Variants in IL17RC observed in about 807,000 individuals in gnomAD.
The protein encoded by IL17RC is interleukin-17 receptor C.
IL17RC carries 53 observed loss-of-function variants against 86.7 expected under a neutral mutation model. The observed-to-expected ratio is 0.61, with a 90% CI of 0.49 to 0.77. The LOEUF (loss-of-function observed/expected upper bound fraction) is 0.77, where lower values mean the gene tolerates loss of function less well. Ranked by LOEUF, IL17RC falls within the 30% of genes least tolerant of loss-of-function variation. The pLI, the probability that IL17RC is intolerant of heterozygous loss-of-function variation, is 0.00. For missense variants in IL17RC, 957 were observed against 940.0 expected, an observed-to-expected ratio of 1.02 and a Z score of -0.24; for synonymous variants, 439 against 413.1, an observed-to-expected ratio of 1.06 and a Z score of -0.76.
rs576044060 is a variant in IL17RC at position 9,920,844 on chromosome 3, G to GC, written c.578-75dup. 1.8e-4 allele frequency: 196 copies of GC among 1,114,314 alleles called. No homozygotes were observed. In the African/African-American group the frequency reaches 2.8e-3, roughly 16 times the overall value. The allele number at this position is 1,114,314 out of a possible 1,614,324, so 69.0% of individuals were successfully genotyped here. Reference sequence around the variant, plus strand: ...TAGGGGATGGGGAGCCATTCCTAATGCCCCCCTGGGAGCCAAATTGCCCCC... The same window carrying GC: ...TAGGGGATGGGGAGCCATTCCTAATGCCCCCCCTGGGAGCCAAATTGCCCCC... On this transcript the variant is annotated intron_variant, in intron 6 of 18. Transcript: ENST00000403601.
intron 7 of IL17RC, among the ~76,000 whole-genome samples, chr3:9,923,536 C>A (rs1432310601): frequency 6.6e-6 from 1 of 150,434 alleles, no homozygotes; most frequent in African/African-American, 2.5e-5. Context: ...GGCAACAGAG[C>A]AAGACTCCCT....
intron 16 of IL17RC, 82 bp downstream of exon 16, chr3:9,931,025 C>G (rs1039693436): frequency 9.3e-7 from 1 of 1,075,138 alleles, no homozygotes; most frequent in Non-Finnish European, 1.5e-6. Context: ...ACAGCACATG[C>G]AATGGCCTTG....
Position 9,920,510 on chromosome 3 carries a change from G to C in IL17RC, c.485G>C (p.Cys162Ser). 2 of 1,601,608 alleles carry C rather than the reference G, an allele frequency of 1.2e-6. No individual in the cohort carries two copies. The highest frequency in any genetic ancestry group is 1.7e-6 in the Non-Finnish European group (2 of 1,172,688). Reference protein sequence around the residue: ...GQSVGSVVYDCFEAALGSEVR... With the variant: ...GQSVGSVVYDSFEAALGSEVR... ...TCACAGGGCTCTGTGGTATATGACT[G>C]CTTCGAGGCTGCCCTAGGGAGTGAG... Residue 162 changes from cysteine (C) to serine (S), a missense_variant, in exon 6 of 19, where the codon TGC becomes TCC. Transcript: ENST00000403601.
At chr3:9,920,630 C>A in intron 6 of IL17RC, 28 bp downstream of exon 6, 1 of 1,456,474 alleles carries the variant, frequency 6.9e-7, no homozygotes. Context: ...TCCTGGCCCC[C>A]TAGCCTCTGT....
intron 16 of IL17RC, among the ~76,000 whole-genome samples, chr3:9,931,470 CATATATATATATATAT>C (rs1553593529): frequency 6.9e-5 from 3 of 43,736 alleles, no homozygotes; most frequent in Non-Finnish European, 1.3e-4. Context: ...CACACACACA[CATATATATATATATAT>C]ATATATATAT....
rs528490966 is a variant in IL17RC, at chr3:9,920,617, A to G, written c.577+15A>G. On this transcript the variant is annotated intron_variant, in intron 6 of 18. Transcript: ENST00000403601. Reference sequence around the variant, plus strand: ...GCAGCTGCCTGGTAAGTGGACCCCCAAGTCCTGGCCCCCTAGCCTCTGTCC... The same window carrying G: ...GCAGCTGCCTGGTAAGTGGACCCCCGAGTCCTGGCCCCCTAGCCTCTGTCC... 25 of 1,538,470 alleles carry G rather than the reference A, an allele frequency of 1.6e-5. No individual in the cohort carries two copies. The South Asian group carries it at 2.0e-4, about 12-fold the overall frequency.
At chr3:9,922,638 G>C (rs1373181727) in intron 7 of IL17RC, among the ~76,000 whole-genome samples, 1 of 152,194 alleles carries the variant, frequency 6.6e-6, no homozygotes, top group African/African-American at 2.4e-5. Context: ...TCAGGGTGGG[G>C]GTGAGGAAGG....
Position 9,928,462 on chromosome 3 carries a change from T to C in IL17RC, c.1035T>C (p.Leu345=). The part of the protein sequence containing the change: ...GDPCQPLVPP[L]SWENVTVDKV... ...CCTGCCAGCCACTGGTCCCACCGCTTTCCTGGGAGAACGTCACTGTGGACG... is the reference window on the plus strand; with the variant it reads ...CCTGCCAGCCACTGGTCCCACCGCTCTCCTGGGAGAACGTCACTGTGGACG... The change falls in exon 11 of 19, where the codon CTT becomes CTC. Residue 345 remains leucine (L), a synonymous_variant. Coordinates refer to ENST00000403601, the MANE Select transcript of IL17RC (RefSeq NM_153460.4). The C allele has an allele frequency of 6.2e-7, 1 of 1,610,682 alleles. No homozygotes were observed. The highest frequency in any genetic ancestry group is 1.1e-5 in the South Asian group (1 of 91,070).
Position 9,930,281 on chromosome 3 carries a change from G to A in IL17RC, c.1279-119G>A, listed in dbSNP as rs528631775. The A allele has an allele frequency of 3.3e-4, 503 of 1,524,040 alleles. 2 individuals carry two copies. The East Asian group carries it at 8.6e-3, about 26-fold the overall frequency. The allele number at this position is 1,524,040 out of a possible 1,614,324, so 94.4% of individuals were successfully genotyped here. ...GTGACTCAGACCAGGGCCATATTCAGCGGCATCACCAAAGTCTCCCAGTCC... is the reference window on the plus strand; with the variant it reads ...GTGACTCAGACCAGGGCCATATTCAACGGCATCACCAAAGTCTCCCAGTCC... On this transcript the variant is annotated intron_variant, in intron 14 of 18. Coordinates refer to ENST00000403601, the MANE Select transcript of IL17RC (RefSeq NM_153460.4). The surrounding 1 kb of genome is among the most constrained non-coding windows in gnomAD (Gnocchi z 5.8).
In IL17RC at chr3:9,933,283, C is replaced by G; in HGVS notation, c.1853C>G (p.Pro618Arg). 1.9e-6 allele frequency: 3 copies of G among 1,604,992 alleles called. No homozygotes were observed. The highest frequency in any genetic ancestry group is 1.7e-6 in the Non-Finnish European group (2 of 1,175,990). Residue 618 changes from proline (P) to arginine (R), a missense_variant, in exon 19 of 19, where the codon CCC (proline) becomes CGC (arginine). Pro to Arg is a moderately radical substitution (Grantham distance 103, BLOSUM62 -2). Coordinates refer to ENST00000403601, the MANE Select transcript of IL17RC (RefSeq NM_153460.4). ...CGCGCCTCGCTCAGCTGCGTGCTGC[C>G]CGACTTCTTGCAGGGCCGGGCGCCC... ...AFRASLSCVLPDFLQGRAPGS... is the reference protein window; with the variant it reads ...AFRASLSCVLRDFLQGRAPGS...
chr3:9,924,410 C>A (rs1370580310), intron 9 of IL17RC, 119 bp downstream of exon 9: 16 of 1,046,054 alleles, frequency 1.5e-5, no homozygotes, highest in Non-Finnish European at 2.3e-5. Context: ...GACTGTGGCT[C>A]CCTGGGGTGG....
intron 6 of IL17RC, 135 bp from the exon 7 acceptor site, chr3:9,920,790 T>C: frequency 1.3e-6 from 1 of 795,608 alleles, no homozygotes; most frequent in South Asian, 1.7e-5. Context: ...GGAAGGTTCT[T>C]TGAGCATTGG....
Position 9,930,910 on chromosome 3 carries a change from T to C in IL17RC, c.1354T>C (p.Leu452=), listed in dbSNP as rs770320792. Residue 452 remains leucine, a synonymous_variant, in exon 16 of 19, where the codon TTG becomes CTG. Coordinates refer to ENST00000403601, the MANE Select transcript of IL17RC (RefSeq NM_153460.4). This position sits in a 1 kb window ranked among gnomAD's most constrained non-coding sequence, Gnocchi z 5.8. The part of the protein sequence containing the change: ...GQCLQLWDDD[L]GALWACPMDK... ...TATCTTACAGCTATGGGACGATGAC[T>C]TGGGAGCGCTATGGGCCTGCCCCAT... 5.0e-6 allele frequency: 8 copies of C among 1,614,038 alleles called. No individual in the cohort carries two copies. Among genetic ancestry groups the C allele is most frequent in the Middle Eastern group, 3.3e-4 (2 of 6,084 alleles).
At position 9,920,957 on chromosome 3, in the gene IL17RC, C is replaced by T; in HGVS notation, c.610C>T (p.Pro204Ser). The change falls in exon 7 of 19, where the codon CCG becomes TCG. Residue 204 changes from proline to serine, a missense_variant. Coordinates refer to ENST00000403601, the MANE Select transcript of IL17RC (RefSeq NM_153460.4). Reference sequence around the variant, plus strand: ...GGGGCTCGAAGTCTGGAACAGCATCCCGAGCTGCTGGGGTAGGGGCTAGGG... The same window carrying T: ...GGGGCTCGAAGTCTGGAACAGCATCTCGAGCTGCTGGGGTAGGGGCTAGGG... ...CRGLEVWNSIPSCWALPWLNV... is the reference protein window; with the variant it reads ...CRGLEVWNSISSCWALPWLNV... 6.3e-7 allele frequency: 1 copy of T among 1,597,168 alleles called. No homozygotes were observed. The highest frequency in any genetic ancestry group is 8.5e-7 in the Non-Finnish European group (1 of 1,174,216).
Position 9,923,743 on chromosome 3 carries a change from G to C in IL17RC, c.623-138G>C, listed in dbSNP as rs113191321. 1.6e-3 allele frequency: 1,487 copies of C among 929,820 alleles called. 12 individuals are homozygous for C. The African/African-American group carries it at 0.021, about 13-fold the overall frequency. 57.6% of individuals were successfully genotyped at this position (929,820 alleles called of 1,614,324 possible). A position where few individuals can be genotyped will look rare whatever the true frequency, so the allele number is the denominator to read the frequency against. ...TGGGCAGCTGCTAGGAGCAAAGTCTGGTCTGAAATGATGACACACGCTCTG... is the reference window on the plus strand; with the variant it reads ...TGGGCAGCTGCTAGGAGCAAAGTCTCGTCTGAAATGATGACACACGCTCTG... On this transcript the variant is annotated intron_variant, in intron 7 of 18. Coordinates refer to ENST00000403601, the MANE Select transcript of IL17RC (RefSeq NM_153460.4).
At chr3:9,925,176 C>T (rs1198564274) in intron 9 of IL17RC, among the ~76,000 whole-genome samples, 1 of 148,798 alleles carries the variant, frequency 6.7e-6, no homozygotes, top group African/African-American at 2.5e-5. Context: ...AGCACCGTGG[C>T]GTGATCTCGG....
At chr3:9,929,533 G>A in intron 12 of IL17RC, 1 of 408,746 alleles carries the variant, frequency 2.4e-6, no homozygotes, top group Non-Finnish European at 4.5e-6. Context: ...AGGTGGGACT[G>A]GGGTTGCAAT....
At chr3:9,923,744 G>A (rs574913487) in intron 7 of IL17RC, 137 bp from the exon 8 acceptor site, 46 of 945,736 alleles carry the variant, frequency 4.9e-5, no homozygotes, top group Non-Finnish European at 6.8e-5. Flanking sequence ...GCAAAGTCTG[G>A]TCTGAAATGA....
In IL17RC at chr3:9,930,401, G is replaced by A. The variant is rs745887093; in HGVS notation, c.1280G>A (p.Arg427Lys). The change falls in exon 15 of 19, where the codon AGG becomes AAG. Residue 427 changes from arginine to lysine, a missense_variant and splice_region_variant. By Grantham distance (26) the Arg-to-Lys change is conservative. Coordinates refer to ENST00000403601, the MANE Select transcript of IL17RC (RefSeq NM_153460.4). This position sits in a 1 kb window ranked among gnomAD's most constrained non-coding sequence, Gnocchi z 5.8. ...TGCCCCCATCCTTTGGCTTGGCAGA[G>A]GGCAGCTCGCCTTGGAGAGTACTTA... is the stretch of plus-strand genomic sequence containing the variant. ...CTSLPSKAST[R>K]AARLGEYLLQ... The A allele has an allele frequency of 1.2e-6, 2 of 1,614,012 alleles. No homozygotes were observed. The highest frequency in any genetic ancestry group is 3.3e-5 in the Admixed American group (2 of 60,014).
Sources: allele counts gnomAD v4.1 joint callset (sites outside exome capture counted in the v4.1 genomes callset), GRCh38; gene constraint gnomAD v4.1.1; non-coding constraint Gnocchi (gnomAD v3.1); transcripts MANE v1.5; gene names NCBI Gene and HGNC (gene_info 2026-07-23, HGNC 2026-07-21).